The following SERPINI1 variants were observed in gnomAD, a reference collection of about 807,000 sequenced individuals.
The protein encoded by SERPINI1 is serpin family I member 1.
A neutral mutation model predicts 41.1 loss-of-function variants in SERPINI1; 19 were observed. The ratio of observed to expected loss-of-function variants is 0.46; its 90% CI spans 0.32 to 0.68. SERPINI1 has a LOEUF of 0.68. Ranked by LOEUF, SERPINI1 falls within the 30% of genes least tolerant of loss-of-function variation. SERPINI1 has a pLI of 0.03. For synonymous variants in SERPINI1, 138 were observed against 156.6 expected, an observed-to-expected ratio of 0.88 and a Z score of 0.89; for missense variants, 460 against 479.2, an observed-to-expected ratio of 0.96 and a Z score of 0.37.
chr3:167,807,229 C>G lies in SERPINI1; in HGVS notation c.882-15C>G, dbSNP rs1474572532. On this transcript the variant is annotated splice_polypyrimidine_tract_variant and intron_variant, in intron 5 of 8. Transcript: ENST00000446050. ...ATGCTCTAACTAAATATTTTTCTCC[C>G]TATGTGTTCTCCAGGTTCACAGTGG... The G allele has an allele frequency of 1.3e-6, 2 of 1,549,760 alleles. No homozygotes were observed. The highest frequency in any genetic ancestry group is 1.1e-5 in the South Asian group (1 of 89,710).
chr3:167,763,583 A>C (rs1014058591), intron 1 of SERPINI1, among the ~76,000 whole-genome samples: 1 of 152,152 alleles, frequency 6.6e-6, no homozygotes, highest in Non-Finnish European at 1.5e-5. Flanking sequence ...CAGTTCCAAC[A>C]TGTTGCTCAG....
At chr3:167,806,023 G>A (rs976286264) in intron 5 of SERPINI1, among the ~76,000 whole-genome samples, 1 of 152,096 alleles carries the variant, frequency 6.6e-6, no homozygotes, top group Non-Finnish European at 1.5e-5. Context: ...ACATTCACAT[G>A]TATGTATATT....
At chr3:167,803,524 A>G (rs1328121692) in intron 5 of SERPINI1, among the ~76,000 whole-genome samples, 1 of 152,120 alleles carries the variant, frequency 6.6e-6, no homozygotes, top group South Asian at 2.1e-4. Context: ...CCATCCTATG[A>G]TCTAACCTTA....
intron 6 of SERPINI1, among the ~76,000 whole-genome samples, chr3:167,822,308 A>AGGG (rs1183451326): frequency 6.6e-6 from 1 of 152,226 alleles, no homozygotes; most frequent in African/African-American, 2.4e-5. Context: ...ACTTTAACAT[A>AGGG]TAAATTTGTG....
At chr3:167,781,724 C>G (rs1207685121) in intron 1 of SERPINI1, among the ~76,000 whole-genome samples, 1 of 142,476 alleles carries the variant, frequency 7.0e-6, no homozygotes, top group African/African-American at 2.6e-5. Context: ...CTCTTTTTCT[C>G]AACTCACAAT....
intron 6 of SERPINI1, among the ~76,000 whole-genome samples, chr3:167,808,672 C>T (rs1711749357): frequency 6.6e-6 from 1 of 152,164 alleles, no homozygotes; most frequent in Non-Finnish European, 1.5e-5. Context: ...TATAGAGAAT[C>T]AAGCTGACCA....
At chr3:167,789,963 A>G (rs912218207) in intron 2 of SERPINI1, among the ~76,000 whole-genome samples, 2 of 152,194 alleles carry the variant, frequency 1.3e-5, no homozygotes, top group African/African-American at 2.4e-5. Context: ...TAAAAATTAA[A>G]ACAATTTCTA....
At position 167,794,662 on chromosome 3, in the gene SERPINI1, A is replaced by G; in HGVS notation, c.719A>G (p.Gln240Arg). The change falls in exon 5 of 9, where the codon CAA becomes CGA. Residue 240 changes from glutamine (Q) to arginine (R), a missense_variant. Physicochemically the swap from Gln to Arg is conservative, Grantham distance 43. Transcript: ENST00000446050. ...TCCAATGAAGCTGGTGGTATCTACC[A>G]AGTCCTAGAAATACCATATGAAGGA... is the stretch of plus-strand genomic sequence containing the variant. ...DGSNEAGGIY[Q>R]VLEIPYEGDE... The G allele has an allele frequency of 6.2e-7, 1 of 1,613,644 alleles. No individual in the cohort carries two copies. Among genetic ancestry groups the G allele is most frequent in the Non-Finnish European group, 8.5e-7 (1 of 1,179,796 alleles).
intron 1 of SERPINI1, among the ~76,000 whole-genome samples, chr3:167,744,425 A>C (rs78427987): frequency 3.6e-3 from 545 of 151,278 alleles, no homozygotes; most frequent in Admixed American, 6.2e-3. Flanking sequence ...CTCCTCTTCA[A>C]ACTGCTAAAA....
At chr3:167,777,033 A>G (rs1408536876) in intron 1 of SERPINI1, among the ~76,000 whole-genome samples, 1 of 152,086 alleles carries the variant, frequency 6.6e-6, no homozygotes, top group African/African-American at 2.4e-5. Flanking sequence ...ATCTTGCCCA[A>G]CCTACCCCCA....
intron 4 of SERPINI1, among the ~76,000 whole-genome samples, chr3:167,793,608 C>G (rs1577421246): frequency 9.4e-6 from 1 of 106,716 alleles, no homozygotes; most frequent in African/African-American, 4.6e-5. Flanking sequence ...TTTTAATTAG[C>G]TAGGCATAAT....
chr3:167,816,597 A>C (rs1261834636), intron 6 of SERPINI1, among the ~76,000 whole-genome samples: 1 of 152,218 alleles, frequency 6.6e-6, no homozygotes, highest in Non-Finnish European at 1.5e-5. Flanking sequence ...GCCAGAAGAC[A>C]AGGTTACTAA....
At chr3:167,735,947 C>T (rs1472445602) in intron 1 of SERPINI1, 124 bp downstream of exon 1, 2 of 152,166 alleles carry the variant, frequency 1.3e-5, no homozygotes, top group Admixed American at 6.5e-5. Context: ...CAAAACCTCT[C>T]GGGTGAAAGA....
chr3:167,741,937 T>C (rs1725690815), intron 1 of SERPINI1, among the ~76,000 whole-genome samples: 1 of 152,142 alleles, frequency 6.6e-6, no homozygotes, highest in Non-Finnish European at 1.5e-5. Flanking sequence ...AATTATATTA[T>C]GAGATTTTGT....
chr3:167,819,710 G>A (rs717877), intron 6 of SERPINI1, among the ~76,000 whole-genome samples: 28,020 of 152,062 alleles, frequency 0.18, 2,771 homozygotes, highest in Non-Finnish European at 0.22. Context: ...AGATAATTAT[G>A]TGCTTTTCAA....
chr3:167,798,012 A>G (rs1463686132), intron 5 of SERPINI1, among the ~76,000 whole-genome samples: 3 of 152,110 alleles, frequency 2.0e-5, no homozygotes, highest in Admixed American at 6.6e-5. Context: ...TATTAAATCC[A>G]TGAATTAAGT....
At chr3:167,764,052 G>A (rs891183917) in intron 1 of SERPINI1, among the ~76,000 whole-genome samples, 1 of 151,794 alleles carries the variant, frequency 6.6e-6, no homozygotes, top group Non-Finnish European at 1.5e-5. Flanking sequence ...TTTGTTTCCT[G>A]GTATCTTTAT....
At chr3:167,812,787 T>C (rs751713031) in intron 6 of SERPINI1, among the ~76,000 whole-genome samples, 3 of 152,162 alleles carry the variant, frequency 2.0e-5, no homozygotes, top group Non-Finnish European at 4.4e-5. Context: ...TCCATTAACA[T>C]AAAACACAGT....
intron 1 of SERPINI1, among the ~76,000 whole-genome samples, chr3:167,768,582 T>C (rs1726639144): frequency 6.6e-6 from 1 of 152,248 alleles, no homozygotes; most frequent in Admixed American, 6.5e-5. Context: ...TTTTACACTA[T>C]AGCAATATAG....
Sources: gnomAD v4.1 joint callset for allele counts (sites outside exome capture counted in the v4.1 genomes callset) on GRCh38, gnomAD v4.1.1 for gene constraint, MANE v1.5 for transcripts, NCBI Gene and HGNC (gene_info 2026-07-23, HGNC 2026-07-21) for gene names.